The following MYO15B variants were observed in gnomAD, a reference collection of about 807,000 sequenced individuals.
MYO15B encodes the protein myosin XVB pseudogene.
In MYO15B, 207 loss-of-function variants were observed where a neutral mutation model predicts 119.3. That is an observed-to-expected ratio of 1.73 (90% CI 1.55 to 1.95). MYO15B has a LOEUF of 1.95. Ranked by LOEUF, MYO15B falls within the 30% of genes most tolerant of loss-of-function variation. The pLI is 0.00. For missense variants in MYO15B, 2,264 were observed against 1,203.1 expected, an observed-to-expected ratio of 1.88 and a Z score of -13.04; for synonymous variants, 966 against 498.9, an observed-to-expected ratio of 1.94 and a Z score of -12.48.
chr17:75,601,497 T>C (rs762632503), exon 15 of MYO15B: 2 of 703,122 alleles, frequency 2.8e-6, no homozygotes, highest in Non-Finnish European at 5.2e-6. Context: ...ACCCCAGCTA[T>C]GCCAAGCCCC....
intron 14 of MYO15B, among the ~76,000 whole-genome samples, chr17:75,599,063 T>A (rs532277072): frequency 1.3e-5 from 2 of 152,288 alleles, no homozygotes; most frequent in South Asian, 4.1e-4. Context: ...TTAGTTTTAT[T>A]TTTATATTTT....
intron 35 of MYO15B, 26 bp downstream of exon 35, chr17:75,615,626 C>T (rs768531770): frequency 2.9e-6 from 2 of 680,322 alleles, no homozygotes; most frequent in South Asian, 1.6e-5. Flanking sequence ...GCCCTGGGGC[C>T]ACCTGGTGGA....
exon 64 of MYO15B, chr17:75,626,469 G>C: frequency 1.4e-6 from 1 of 703,266 alleles, no homozygotes; most frequent in Non-Finnish European, 2.6e-6. Flanking sequence ...GCACTGAGTG[G>C]CCCAGCATCA....
chr17:75,591,449 G>T, intron 4 of MYO15B, 152 bp from the exon 5 acceptor site: 1 of 620,168 alleles, frequency 1.6e-6, no homozygotes, highest in East Asian at 2.7e-5. Context: ...TTTTCTGTCG[G>T]GTCTCTCCAT....
rs531336417 is a variant in MYO15B at position 75,619,452 on chromosome 17, C to A, written c.7158C>A (p.Tyr2386Ter). 1 of 702,636 alleles carries A rather than the reference C, an allele frequency of 1.4e-6. No homozygotes were observed. Among genetic ancestry groups the A allele is most frequent in the East Asian group, 2.7e-5 (1 of 37,266 alleles). 43.5% of individuals were successfully genotyped at this position (702,636 alleles called of 1,614,324 possible). A position where few individuals can be genotyped will look rare whatever the true frequency, so the allele number is the denominator to read the frequency against. ...CCGCTCGGGACAACTGGGCCAATTA[C>A]TTCTCCCGCTTCTTTCCTGTCTCGG... Residue 2386 changes from tyrosine to a stop codon, truncating the protein, a stop_gained, in exon 45 of 64, where the codon TAC (tyrosine) becomes TAA (stop). Transcript: ENST00000645453. LOFTEE classifies it high-confidence loss of function.
chr17:75,616,574 G>A (rs903512544), exon 39 of MYO15B: 1 of 703,128 alleles, frequency 1.4e-6, no homozygotes, highest in African/African-American at 1.7e-5. Flanking sequence ...GAAGCAAGGT[G>A]GGGCCAAAGC....
At chr17:75,605,985 C>G in exon 21 of MYO15B, 1 of 701,992 alleles carries the variant, frequency 1.4e-6, no homozygotes, top group Non-Finnish European at 2.6e-6. Context: ...CGCGTCCTGC[C>G]CCGGATGCAG....
chr17:75,595,051 C>A, intron 12 of MYO15B, 79 bp downstream of exon 12: 1 of 677,760 alleles, frequency 1.5e-6, no homozygotes, highest in South Asian at 1.6e-5. Context: ...ACAGCTCCAG[C>A]TCTCCCTGGG....
chr17:75,613,115 C>G, exon 27 of MYO15B: 2 of 702,784 alleles, frequency 2.8e-6, no homozygotes, highest in Non-Finnish European at 5.2e-6. Flanking sequence ...ATGGCAGAAC[C>G]CAGATGAACA....
chr17:75,621,126 C>A, exon 50 of MYO15B: 1 of 702,542 alleles, frequency 1.4e-6, no homozygotes, highest in Non-Finnish European at 2.6e-6. Flanking sequence ...ACTCCCACAG[C>A]TACACCATGC....
intron 14 of MYO15B, among the ~76,000 whole-genome samples, chr17:75,600,934 C>T (rs1304856674): frequency 1.4e-5 from 2 of 140,376 alleles, no homozygotes; most frequent in African/African-American, 5.4e-5. Flanking sequence ...GATGGAGTCT[C>T]GCACTGTCAC....
chr17:75,607,069 T>C (rs1476767603), intron 21 of MYO15B: 2 of 397,756 alleles, frequency 5.0e-6, no homozygotes, highest in Non-Finnish European at 8.9e-6. Flanking sequence ...ATTCAGATGG[T>C]AGAGCAGCCA....
intron 14 of MYO15B, among the ~76,000 whole-genome samples, chr17:75,600,120 G>A (rs1444540374): frequency 6.8e-6 from 1 of 146,066 alleles, no homozygotes; most frequent in Non-Finnish European, 1.5e-5. Flanking sequence ...TCCGCCTCTC[G>A]GGTTCACGCC....
chr17:75,595,418 G>A (rs2056793620), intron 12 of MYO15B, among the ~76,000 whole-genome samples: 1 of 152,182 alleles, frequency 6.6e-6, no homozygotes, highest in Non-Finnish European at 1.5e-5. Flanking sequence ...CTCCTGCTGG[G>A]AGGAGTTGCT....
intron 29 of MYO15B, 22 bp from the exon 30 acceptor site, chr17:75,614,177 T>G: frequency 2.9e-6 from 2 of 697,914 alleles, no homozygotes; most frequent in Non-Finnish European, 5.2e-6. Flanking sequence ...CCTGCCTCAC[T>G]GACTGGTCCC....
chr17:75,593,217 AAAAG>A, intron 9 of MYO15B, among the ~76,000 whole-genome samples: 1 of 150,402 alleles, frequency 6.6e-6, no homozygotes, highest in South Asian at 2.1e-4. Flanking sequence ...AAAAAAAAAA[AAAAG>A]GGTTGGCGGT....
chr17:75,596,527 C>T (rs536357212), exon 13 of MYO15B: 1 of 702,878 alleles, frequency 1.4e-6, no homozygotes, highest in African/African-American at 1.7e-5. Flanking sequence ...CAGCTCTTCT[C>T]CAGCCAGATG....
At chr17:75,609,986 C>T (rs993603316) in intron 21 of MYO15B, among the ~76,000 whole-genome samples, 180 bp from the exon 22 acceptor site, 1 of 152,162 alleles carries the variant, frequency 6.6e-6, no homozygotes, top group East Asian at 1.9e-4. Flanking sequence ...CCACCGCACC[C>T]GACCCTTGCT....
rs1273557140 is a variant in MYO15B at position 75,625,245 on chromosome 17, G to A, written c.8804+7G>A. The A allele has an allele frequency of 2.9e-6, 2 of 695,856 alleles. No homozygotes were observed. The highest frequency in any genetic ancestry group is 5.3e-6 in the Non-Finnish European group (2 of 380,636). 43.1% of individuals were successfully genotyped at this position (695,856 alleles called of 1,614,324 possible). A position where few individuals can be genotyped will look rare whatever the true frequency, so the allele number is the denominator to read the frequency against. The stretch of plus-strand genomic sequence containing the variant: ...ACAGGAATACCCCCTCAGGGTGAGT[G>A]GAGGCACCTCCCGCCCCTAAGCCCC... On this transcript the variant is annotated splice_region_variant and intron_variant, in intron 60 of 63. Transcript: ENST00000645453.
Sources: gnomAD v4.1 joint callset for allele counts (sites outside exome capture counted in the v4.1 genomes callset) on GRCh38, gnomAD v4.1.1 for gene constraint, MANE v1.5 for transcripts, NCBI Gene and HGNC (gene_info 2026-07-23, HGNC 2026-07-21) for gene names.